The following OR51B5 variants were observed in gnomAD, a reference collection of about 807,000 sequenced individuals.
OR51B5 encodes olfactory receptor 51B5.
For synonymous variants in OR51B5, 186 were observed against 144.8 expected, an observed-to-expected ratio of 1.28 and a Z score of -2.04; for missense variants, 456 against 374.6, an observed-to-expected ratio of 1.22 and a Z score of -1.79.
At chr11:5,479,029 C>T (rs931233875) in intron 1 of OR51B5, among the ~76,000 whole-genome samples, 10 of 151,886 alleles carry the variant, frequency 6.6e-5, no homozygotes, top group Admixed American at 4.6e-4. Context: ...AGATACTCCT[C>T]GAGAAGAGCA....
At chr11:5,352,267 G>A in intron 1 of OR51B5, 1 of 1,614,084 alleles carries the variant, frequency 6.2e-7, no homozygotes, top group Non-Finnish European at 8.5e-7. Flanking sequence ...TGTCACTGTA[G>A]TTTGTCTGAC....
intron 1 of OR51B5, among the ~76,000 whole-genome samples, chr11:5,475,050 T>C (rs1454316810): frequency 6.6e-6 from 1 of 152,174 alleles, no homozygotes; most frequent in East Asian, 1.9e-4. Context: ...AAAAATATTA[T>C]ATCCTTTTGG....
At chr11:5,406,803 T>C (rs925889436) in intron 1 of OR51B5, among the ~76,000 whole-genome samples, 10 of 152,130 alleles carry the variant, frequency 6.6e-5, no homozygotes, top group African/African-American at 1.2e-4. Flanking sequence ...CTGATATTTA[T>C]TGAGATTTTT....
intron 1 of OR51B5, among the ~76,000 whole-genome samples, chr11:5,437,692 G>C (rs1481169214): frequency 6.6e-6 from 1 of 152,182 alleles, no homozygotes; most frequent in Admixed American, 6.5e-5. Context: ...GAAGTCATAG[G>C]TTTGTTTCTT....
At chr11:5,366,742 G>T (rs1849375897) in intron 1 of OR51B5, among the ~76,000 whole-genome samples, 1 of 147,310 alleles carries the variant, frequency 6.8e-6, no homozygotes, top group Non-Finnish European at 1.5e-5. Context: ...AGGAAGGAAG[G>T]AAATCAGGGT....
chr11:5,453,583 G>C, intron 1 of OR51B5: 1 of 1,613,228 alleles, frequency 6.2e-7, no homozygotes, highest in African/African-American at 1.3e-5. Context: ...GGGCCCCTCT[G>C]CGTGATGTAT....
At chr11:5,443,321 T>C (rs965965112) in intron 1 of OR51B5, among the ~76,000 whole-genome samples, 2 of 152,232 alleles carry the variant, frequency 1.3e-5, no homozygotes, top group East Asian at 1.9e-4. Context: ...CAAATATATA[T>C]AGGTAGTGAG....
intron 1 of OR51B5, among the ~76,000 whole-genome samples, chr11:5,360,609 A>C (rs1225732271): frequency 6.6e-6 from 1 of 152,146 alleles, no homozygotes; most frequent in Non-Finnish European, 1.5e-5. Context: ...TAGAACTAGA[A>C]ATACCATTTG....
Position 5,381,159 on chromosome 11 carries a change from T to TTCTC in OR51B5, n.85-34253_85-34250dup, listed in dbSNP as rs71050492. On this transcript the variant is annotated intron_variant and non_coding_transcript_variant, in intron 1 of 4. Coordinates refer to the OR51B5 transcript ENST00000415970. Reference sequence around the variant, plus strand: ...TCTCTCTCTGTCGCTCGCTCGCTGTTTCTCTCTCTCTCTCTCACACACACA... The same window carrying TTCTC: ...TCTCTCTCTGTCGCTCGCTCGCTGTTTCTCTCTCTCTCTCTCTCTCACACACACA... 3.8e-3 allele frequency among the ~76,000 whole-genome samples: 422 copies of TTCTC among 110,128 alleles called. 1 individual carries two copies. The highest frequency in any genetic ancestry group is 0.012 in the African/African-American group (393 of 33,326). 72.2% of individuals were successfully genotyped at this position (110,128 alleles called of 152,430 possible).
At chr11:5,445,202 A>C (rs1850742575) in intron 1 of OR51B5, among the ~76,000 whole-genome samples, 2 of 152,210 alleles carry the variant, frequency 1.3e-5, no homozygotes, top group African/African-American at 4.8e-5. Flanking sequence ...TATGAAATAG[A>C]GACTTAAAGA....
At chr11:5,494,382 G>A (rs997076281) in intron 1 of OR51B5, among the ~76,000 whole-genome samples, 13 of 152,016 alleles carry the variant, frequency 8.6e-5, no homozygotes, top group African/African-American at 2.9e-4. Context: ...ATCACATGAC[G>A]GCCTTTCCCA....
intron 1 of OR51B5, chr11:5,455,919 G>C (rs1850952427): frequency 6.6e-6 from 1 of 152,150 alleles, no homozygotes; most frequent in Non-Finnish European, 1.5e-5. Flanking sequence ...GCATAACTTA[G>C]TATGATTTCC....
intron 1 of OR51B5, among the ~76,000 whole-genome samples, chr11:5,479,243 T>A (rs981770583): frequency 6.7e-6 from 1 of 149,158 alleles, no homozygotes; most frequent in African/African-American, 2.5e-5. Flanking sequence ...AACCCAGAAT[T>A]TCATATCCAG....
At chr11:5,454,428 C>T in intron 1 of OR51B5, 1 of 1,598,708 alleles carries the variant, frequency 6.3e-7, no homozygotes, top group Non-Finnish European at 8.5e-7. Context: ...CAAAATATGA[C>T]TTTCACACTT....
At chr11:5,421,413 T>G (rs1850335073) in intron 1 of OR51B5, among the ~76,000 whole-genome samples, 1 of 152,258 alleles carries the variant, frequency 6.6e-6, no homozygotes, top group Non-Finnish European at 1.5e-5. Flanking sequence ...ACATGACTTG[T>G]TAGAACATAA....
intron 1 of OR51B5, among the ~76,000 whole-genome samples, chr11:5,478,779 A>G (rs1013366448): frequency 1.5e-4 from 22 of 151,174 alleles, no homozygotes; most frequent in African/African-American, 4.7e-4. Flanking sequence ...AGATGAAATG[A>G]ATGAAATGAA....
chr11:5,450,577 T>A (rs1308430052), intron 1 of OR51B5, among the ~76,000 whole-genome samples: 1 of 152,194 alleles, frequency 6.6e-6, no homozygotes, highest in Non-Finnish European at 1.5e-5. Flanking sequence ...AGGTTCTAGT[T>A]CCAGGAATAG....
At chr11:5,473,348 T>C (rs2133802645) in intron 1 of OR51B5, among the ~76,000 whole-genome samples, 1 of 152,332 alleles carries the variant, frequency 6.6e-6, no homozygotes, top group African/African-American at 2.4e-5. Context: ...CGGGGCCATC[T>C]TGTATCACAT....
At chr11:5,419,550 C>T (rs1333742021) in intron 1 of OR51B5, among the ~76,000 whole-genome samples, 1 of 152,102 alleles carries the variant, frequency 6.6e-6, no homozygotes, top group Admixed American at 6.6e-5. Flanking sequence ...TATATTGTAT[C>T]AGTCATGATG....
Sources: gnomAD v4.1 joint callset for allele counts (sites outside exome capture counted in the v4.1 genomes callset) on GRCh38, gnomAD v4.1.1 for gene constraint, MANE v1.5 for transcripts, NCBI Gene and HGNC (gene_info 2026-07-23, HGNC 2026-07-21) for gene names.